Variants in ZNF25 observed in about 807,000 individuals in gnomAD.
ZNF25 encodes zinc finger protein 25.
A neutral mutation model predicts 30.9 loss-of-function variants in ZNF25; 21 were observed. The ratio of observed to expected loss-of-function variants is 0.68; its 90% CI spans 0.48 to 0.98. The LOEUF (loss-of-function observed/expected upper bound fraction) is 0.98, where lower values mean the gene tolerates loss of function less well. ZNF25 is among the 50% of genes least tolerant of loss of function. The pLI, the probability that ZNF25 is intolerant of heterozygous loss-of-function variation, is 0.00. For synonymous variants in ZNF25, 169 were observed against 181.3 expected (o/e 0.93, Z 0.55); for missense variants, 501 against 529.9 (o/e 0.95, Z 0.54).
intron 2 of ZNF25, among the ~76,000 whole-genome samples, chr10:37,970,899 T>C (rs2063452586): frequency 6.6e-6 from 1 of 152,224 alleles, no homozygotes; most frequent in African/African-American, 2.4e-5. Flanking sequence ...CTAATCAACC[T>C]ATAACTCATT....
At chr10:37,958,348 G>A (rs985438499) in intron 2 of ZNF25, among the ~76,000 whole-genome samples, 1 of 152,180 alleles carries the variant, frequency 6.6e-6, no homozygotes, top group Admixed American at 6.5e-5. Flanking sequence ...GGATGCATGA[G>A]AAATGGTAAG....
At chr10:37,962,165 C>T (rs542459606) in intron 2 of ZNF25, among the ~76,000 whole-genome samples, 1 of 150,442 alleles carries the variant, frequency 6.6e-6, no homozygotes, top group African/African-American at 2.5e-5. Flanking sequence ...TGCTTGAATC[C>T]AGGAGGCAGA....
At chr10:37,960,246 A>T (rs1385870402) in intron 2 of ZNF25, among the ~76,000 whole-genome samples, 3 of 152,140 alleles carry the variant, frequency 2.0e-5, no homozygotes, top group African/African-American at 4.8e-5. Flanking sequence ...ATTTTTGCAG[A>T]TACACATATG....
intron 4 of ZNF25, among the ~76,000 whole-genome samples, chr10:37,954,751 T>A (rs1248183196): frequency 6.6e-6 from 1 of 152,194 alleles, no homozygotes; most frequent in Non-Finnish European, 1.5e-5. Context: ...AGTGAAAGAT[T>A]ATCAGCAGAT....
chr10:37,953,889 G>T, intron 4 of ZNF25, 131 bp from the exon 5 acceptor site: 1 of 821,598 alleles, frequency 1.2e-6, no homozygotes, highest in Middle Eastern at 3.7e-4. Flanking sequence ...CTAGCCCATT[G>T]TTTTGGGAAA....
chr10:37,975,426 A>G lies in ZNF25; in HGVS notation c.-86+1080T>C, dbSNP rs139411085. On this transcript the variant is annotated intron_variant, in intron 1 of 5. Coordinates refer to ENST00000302609, the MANE Select transcript of ZNF25 (RefSeq NM_145011.4). ...AAAATAAGCAGCAAAAACCACTTCCAGCTAGCATGGTGCTTACGAAATGCC... is the reference window on the plus strand; with the variant it reads ...AAAATAAGCAGCAAAAACCACTTCCGGCTAGCATGGTGCTTACGAAATGCC... Among the ~76,000 whole-genome samples the G allele has an allele frequency of 6.5e-3, 989 of 151,982 alleles. 12 individuals carry two copies. The highest frequency in any genetic ancestry group is 0.054 in the South Asian group (260 of 4,814).
intron 1 of ZNF25, among the ~76,000 whole-genome samples, chr10:37,973,459 T>C (rs1178890210): frequency 1.3e-5 from 2 of 149,870 alleles, no homozygotes; most frequent in South Asian, 2.1e-4. Flanking sequence ...CCACTAAAAA[T>C]ACAAAAAAAA....
chr10:37,971,573 T>G, intron 2 of ZNF25, 135 bp downstream of exon 2: 1 of 1,452,454 alleles, frequency 6.9e-7, no homozygotes, highest in East Asian at 2.3e-5. Context: ...TAGGTGATTT[T>G]TAACTATTTC....
rs190329539 is a variant in ZNF25, at chr10:37,968,687, A to G, written c.15+3021T>C. ...GTTCTTATAATTCAACAACAAAAAG[A>G]TAAACAGCCCAGGTAGGAAATGGGC... On this transcript the variant is annotated intron_variant, in intron 2 of 5. Coordinates refer to ENST00000302609, the MANE Select transcript of ZNF25 (RefSeq NM_145011.4). Among the ~76,000 whole-genome samples, 4 of 152,346 alleles carry G rather than the reference A, an allele frequency of 2.6e-5. No homozygotes were observed. In the East Asian group the frequency reaches 7.7e-4, roughly 29 times the overall value.
chr10:37,953,627 T>C, intron 5 of ZNF25, 68 bp downstream of exon 5: 1 of 1,466,446 alleles, frequency 6.8e-7, no homozygotes, highest in South Asian at 1.1e-5. Context: ...TGCCCTCCCA[T>C]TTCTAGTAAC....
At chr10:37,967,138 A>T (rs755253293) in intron 2 of ZNF25, among the ~76,000 whole-genome samples, 33 of 152,202 alleles carry the variant, frequency 2.2e-4, no homozygotes, top group Non-Finnish European at 3.1e-4. Flanking sequence ...AAAGAAATCT[A>T]CAGATTCAAA....
chr10:37,964,752 G>A (rs1425172420), intron 2 of ZNF25, among the ~76,000 whole-genome samples: 1 of 152,202 alleles, frequency 6.6e-6, no homozygotes, highest in Admixed American at 6.5e-5. Flanking sequence ...TGGTCCTGTG[G>A]TACAGAAAGA....
chr10:37,953,128 C>T lies in ZNF25; in HGVS notation c.370G>A (p.Gly124Arg), dbSNP rs538944519. The T allele has an allele frequency of 8.7e-6, 14 of 1,612,154 alleles. No homozygotes were observed. In the African/African-American group the frequency reaches 1.9e-4, roughly 22 times the overall value. ...TEKACECKECGKFFCQKSALI... is the reference protein window; with the variant it reads ...TEKACECKECRKFFCQKSALI... ...GCAGACTTCTGGCAGAAGAACTTCC[C>T]ACATTCCTTACATTCACAGGCTTTC... The change falls in exon 6 of 6, where the codon GGG becomes AGG. Residue 124 changes from glycine to arginine, a missense_variant. Transcript: ENST00000302609.
intron 2 of ZNF25, among the ~76,000 whole-genome samples, 165 bp from the exon 3 acceptor site, chr10:37,957,711 T>C (rs1328906834): frequency 6.6e-6 from 1 of 152,158 alleles, no homozygotes; most frequent in Non-Finnish European, 1.5e-5. Context: ...GAATATTTGT[T>C]CATTACATAT....
At position 37,974,448 on chromosome 10, in the gene ZNF25, G is replaced by T. The variant is rs113808166; in HGVS notation, c.-86+2058C>A. Among the ~76,000 whole-genome samples the T allele has an allele frequency of 3.4e-3, 519 of 152,222 alleles. 2 individuals are homozygous for T. The highest frequency in any genetic ancestry group is 5.4e-3 in the Non-Finnish European group (367 of 68,004). ...ACAAAAAATTTGATTTAAAAAAATT[G>T]AGCAAATGATCTGAACAGACATTCC... On this transcript the variant is annotated intron_variant, in intron 1 of 5. Transcript: ENST00000302609.
chr10:37,969,711 G>T (rs2063383071), intron 2 of ZNF25, among the ~76,000 whole-genome samples: 5 of 152,152 alleles, frequency 3.3e-5, no homozygotes, highest in Admixed American at 3.3e-4. Flanking sequence ...ACAATACTGT[G>T]AATGTACTAA....
chr10:37,952,975 CAT>C lies in ZNF25; in HGVS notation c.521_522del (p.Tyr174Ter), dbSNP rs2062259217. Reference protein sequence around the residue: ...HQKIHTRDKTYECKECKKIFY... With the variant: ...HQKIHTRDKTXECKECKKIFY... ...AATATTTTCTTACATTCTTTACACTCATAGGTTTTATCTCTCGTGTGAATTTT... is the reference window on the plus strand; with the variant it reads ...AATATTTTCTTACATTCTTTACACTCAGGTTTTATCTCTCGTGTGAATTTT... On this transcript the variant is annotated frameshift_variant, in exon 6 of 6. Transcript: ENST00000302609. LOFTEE classifies it high-confidence loss of function. The C allele has an allele frequency of 2.5e-6, 4 of 1,614,108 alleles. No individual in the cohort carries two copies. Among genetic ancestry groups the C allele is most frequent in the Non-Finnish European group, 3.4e-6 (4 of 1,180,000 alleles).
intron 2 of ZNF25, among the ~76,000 whole-genome samples, chr10:37,971,315 CA>C (rs35376573): frequency 0.48 from 64,547 of 133,288 alleles, 14,954 homozygotes; most frequent in South Asian, 0.7. Context: ...GACTCCATCT[CA>C]AAAAAAAAAA....
chr10:37,965,710 G>T (rs2063143091), intron 2 of ZNF25, among the ~76,000 whole-genome samples: 1 of 152,180 alleles, frequency 6.6e-6, no homozygotes, highest in Non-Finnish European at 1.5e-5. Flanking sequence ...AAGAACACAG[G>T]TAAAGGTAAC....
Sources: gnomAD v4.1 joint callset for allele counts (sites outside exome capture counted in the v4.1 genomes callset) on GRCh38, gnomAD v4.1.1 for gene constraint, MANE v1.5 for transcripts, NCBI Gene and HGNC (gene_info 2026-07-23, HGNC 2026-07-21) for gene names.